CACNA1I: variants seen among roughly 807,000 people sequenced by gnomAD.
CACNA1I encodes the protein calcium voltage-gated channel subunit alpha1 I.
CACNA1I carries 74 observed loss-of-function variants against 201.6 expected under a neutral mutation model. The observed-to-expected ratio is 0.37, with a 90% confidence interval of 0.30 to 0.45. The LOEUF is 0.45. Among genes scored for constraint, CACNA1I ranks in the 20% least tolerant of loss-of-function variants. The pLI, the probability that CACNA1I is intolerant of heterozygous loss-of-function variation, is 1.00. For synonymous variants in CACNA1I, 1,431 were observed against 1,345.2 expected (o/e 1.06, Z -1.40); for missense variants, 2,346 against 3,138.1 (o/e 0.75, Z 6.03).
At position 39,665,018 on chromosome 22, in the gene CACNA1I, G is replaced by T; in HGVS notation, c.3851+95G>T. Reference sequence around the variant, plus strand: ...GGCCCTCACTCCGCCCTCCCCGCCCGCCCACTCGGTCCTCCAATAGTGAGT... The same window carrying T: ...GGCCCTCACTCCGCCCTCCCCGCCCTCCCACTCGGTCCTCCAATAGTGAGT... On this transcript the variant is annotated intron_variant, in intron 21 of 36. Coordinates refer to ENST00000402142, the MANE Select transcript of CACNA1I (RefSeq NM_021096.4). This position sits in a 1 kb window ranked among gnomAD's most constrained non-coding sequence, Gnocchi z 5.5. 1 of 1,123,060 alleles carries T rather than the reference G, an allele frequency of 8.9e-7. No individual in the cohort carries two copies. Among genetic ancestry groups the T allele is most frequent in the South Asian group, 1.5e-5 (1 of 68,844 alleles). The allele number at this position is 1,123,060 out of a possible 1,614,324, so 69.6% of individuals were successfully genotyped here.
chr22:39,609,120 G>A (rs1258597356), intron 3 of CACNA1I, among the ~76,000 whole-genome samples: 1 of 152,196 alleles, frequency 6.6e-6, no homozygotes, highest in Non-Finnish European at 1.5e-5. Flanking sequence ...GACGCTGACT[G>A]CTGAGTGCTC....
chr22:39,660,823 G>A (rs550618693), intron 15 of CACNA1I, among the ~76,000 whole-genome samples: 5 of 152,144 alleles, frequency 3.3e-5, no homozygotes, highest in Non-Finnish European at 7.4e-5. Flanking sequence ...GACAGTCCCT[G>A]CCTTGTTTCC....
At chr22:39,603,121 A>G (rs1933115573) in intron 3 of CACNA1I, among the ~76,000 whole-genome samples, 1 of 148,958 alleles carries the variant, frequency 6.7e-6, no homozygotes, top group Non-Finnish European at 1.5e-5. Flanking sequence ...GTGCCATTGC[A>G]CTCTAGTCTT....
chr22:39,684,817 G>C lies in CACNA1I; in HGVS notation c.6027+319G>C, dbSNP rs1935810210. 5.3e-6 allele frequency: 3 copies of C among 560,852 alleles called. No individual in the cohort carries two copies. The highest frequency in any genetic ancestry group is 9.5e-6 in the Non-Finnish European group (3 of 315,974). 34.7% of individuals were successfully genotyped at this position (560,852 alleles called of 1,614,324 possible). ...AGGAGGAGTACTGGAGGTTTTGCAGGGTGGCGGGGTGCTGGCAGTGGGGAG... is the reference window on the plus strand; with the variant it reads ...AGGAGGAGTACTGGAGGTTTTGCAGCGTGGCGGGGTGCTGGCAGTGGGGAG... On this transcript the variant is annotated intron_variant, in intron 36 of 36. Coordinates refer to ENST00000402142, the MANE Select transcript of CACNA1I (RefSeq NM_021096.4). This position sits in a 1 kb window ranked among gnomAD's most constrained non-coding sequence, Gnocchi z 4.6.
intron 10 of CACNA1I, 111 bp downstream of exon 10, chr22:39,650,036 C>G: frequency 6.8e-6 from 8 of 1,183,946 alleles, no homozygotes; most frequent in East Asian, 2.5e-5. Flanking sequence ...GTCTGTCCAC[C>G]TAGAAGTGCC....
intron 3 of CACNA1I, among the ~76,000 whole-genome samples, chr22:39,607,006 C>A (rs1569059366): frequency 6.6e-6 from 1 of 152,060 alleles, no homozygotes; most frequent in African/African-American, 2.4e-5. Context: ...AACAAAATGG[C>A]CATTGCCACC....
chr22:39,600,036 A>T (rs559493097), intron 2 of CACNA1I, among the ~76,000 whole-genome samples: 5 of 152,164 alleles, frequency 3.3e-5, no homozygotes, highest in Non-Finnish European at 7.4e-5. Context: ...CGGAGTTTCA[A>T]TCCTGGTTCT....
chr22:39,622,212 A>G (rs1411864446), intron 4 of CACNA1I, among the ~76,000 whole-genome samples: 1 of 152,138 alleles, frequency 6.6e-6, no homozygotes, highest in East Asian at 1.9e-4. Flanking sequence ...TGAAATGGAC[A>G]CAGCAGGTGT....
chr22:39,667,424 C>T (rs1935231965), intron 23 of CACNA1I, among the ~76,000 whole-genome samples: 1 of 152,166 alleles, frequency 6.6e-6, no homozygotes, highest in African/African-American at 2.4e-5. Context: ...GAGACCACCT[C>T]TGCCCTGGGG....
At chr22:39,578,485 G>C (rs368445261) in intron 1 of CACNA1I, among the ~76,000 whole-genome samples, 2 of 151,966 alleles carry the variant, frequency 1.3e-5, no homozygotes, top group African/African-American at 4.8e-5. Context: ...CCCACGTGAC[G>C]ACTGGTACCA....
rs749736744 is a variant in CACNA1I at position 39,649,577 on chromosome 22, C to T, written c.1644C>T (p.Ser548=). Residue 548 remains serine, a synonymous_variant, in exon 10 of 37, where the codon TCC becomes TCT. Transcript: ENST00000402142. The surrounding 1 kb of genome is among the most constrained non-coding windows in gnomAD (Gnocchi z 7.3). The part of the protein sequence containing the change: ...LVQPIPATLA[S]DPASCPCCQH... ...AGCCCATCCCCGCCACGCTGGCTTC[C>T]GATCCCGCCAGCTGCCCTTGCTGCC... 1.9e-5 allele frequency: 29 copies of T among 1,547,398 alleles called. No homozygotes were observed. Among genetic ancestry groups the T allele is most frequent in the Middle Eastern group, 1.8e-4 (1 of 5,578 alleles).
At chr22:39,615,254 C>G (rs1022138935) in intron 3 of CACNA1I, among the ~76,000 whole-genome samples, 3 of 152,242 alleles carry the variant, frequency 2.0e-5, no homozygotes, top group South Asian at 2.1e-4. Context: ...AGCAGACACT[C>G]GGGGGAGATG....
Position 39,685,724 on chromosome 22 carries a change from G to C in CACNA1I, c.6028-37G>C, listed in dbSNP as rs1465066029. On this transcript the variant is annotated intron_variant, in intron 36 of 36. Transcript: ENST00000402142. This position sits in a 1 kb window ranked among gnomAD's most constrained non-coding sequence, Gnocchi z 5.0. ...CGTCCAGGTTGCTGGGGTGGGGGCCGACACAGGCGGCCTCCACGGCTCCCA... is the reference window on the plus strand; with the variant it reads ...CGTCCAGGTTGCTGGGGTGGGGGCCCACACAGGCGGCCTCCACGGCTCCCA... The C allele has an allele frequency of 1.6e-5, 22 of 1,416,034 alleles. No individual in the cohort carries two copies. The highest frequency in any genetic ancestry group is 6.0e-5 in the Admixed American group (2 of 33,176). The allele number at this position is 1,416,034 out of a possible 1,614,324, so 87.7% of individuals were successfully genotyped here.
Position 39,646,635 on chromosome 22 carries a change from C to G in CACNA1I, c.1216C>G (p.Gln406Glu), listed in dbSNP as rs1934496480. 21 of 1,573,130 alleles carry G rather than the reference C, an allele frequency of 1.3e-5. No individual in the cohort carries two copies. Among genetic ancestry groups the G allele is most frequent in the Non-Finnish European group, 1.8e-5 (21 of 1,159,586 alleles). Residue 406 changes from glutamine (Q) to glutamate (E), a missense_variant, in exon 8 of 37, where the codon CAA becomes GAA. Physicochemically the swap from Gln to Glu is conservative, Grantham distance 29. Coordinates refer to ENST00000402142, the MANE Select transcript of CACNA1I (RefSeq NM_021096.4). ...AGCGACCCAGTTCTCGGAGACCAAG[C>G]AACGGGAGCACCGGCTGATGCTGGA... Reference protein sequence around the residue: ...VIATQFSETKQREHRLMLEQR... With the variant: ...VIATQFSETKEREHRLMLEQR...
chr22:39,664,831 C>T lies in CACNA1I; in HGVS notation c.3759C>T (p.Ile1253=), dbSNP rs771056880. 1.2e-6 allele frequency: 2 copies of T among 1,612,904 alleles called. No individual in the cohort carries two copies. Among genetic ancestry groups the T allele is most frequent in the African/African-American group, 2.7e-5 (2 of 75,000 alleles). Residue 1253 remains isoleucine, a synonymous_variant, in exon 21 of 37, where the codon ATC becomes ATT. Coordinates refer to ENST00000402142, the MANE Select transcript of CACNA1I (RefSeq NM_021096.4). ...GCTTTCTTGTCTTCGTGTCCATCAT[C>T]GACATCGTGGTGTCCCTGGCCTCAG... The part of the protein sequence containing the change: ...LDGFLVFVSI[I]DIVVSLASAG...
Position 39,671,970 on chromosome 22 carries a change from G to C in CACNA1I, c.4540-229G>C, listed in dbSNP as rs557320125. ...TTAATACCCTATATTGCCTCCAAAGGTACCAACTCGACCAGATACACATAA... is the reference window on the plus strand; with the variant it reads ...TTAATACCCTATATTGCCTCCAAAGCTACCAACTCGACCAGATACACATAA... On this transcript the variant is annotated intron_variant, in intron 26 of 36. Transcript: ENST00000402142. Among the ~76,000 whole-genome samples the C allele has an allele frequency of 3.1e-4, 47 of 152,112 alleles. No homozygotes were observed. The Middle Eastern group carries it at 0.01, about 33-fold the overall frequency.
At position 39,598,190 on chromosome 22, in the gene CACNA1I, C is replaced by T; in HGVS notation, c.276C>T (p.Asn92=). ...ECVSMLVILL[N]CVTLGMYQPC... is the part of the protein sequence containing the mutation. ...TCAGCATGCTGGTGATCCTGCTGAA[C>T]TGCGTGACACTTGGCATGTACCAGC... is the stretch of plus-strand genomic sequence containing the variant. The change falls in exon 2 of 37, where the codon AAC becomes AAT. Residue 92 remains asparagine, a synonymous_variant. Transcript: ENST00000402142. 5.0e-6 allele frequency: 8 copies of T among 1,608,346 alleles called. No homozygotes were observed. Among genetic ancestry groups the T allele is most frequent in the Non-Finnish European group, 6.8e-6 (8 of 1,177,582 alleles).
At position 39,596,330 on chromosome 22, in the gene CACNA1I, G is replaced by GA; in HGVS notation, c.237-1821_237-1820insA. Reference sequence around the variant, plus strand: ...GGAGGGAGATGGGGGGCAGGGCGGAGGGAGATGGGGGAGCAGGGCGGAGAG... The same window carrying GA: ...GGAGGGAGATGGGGGGCAGGGCGGAGAGGAGATGGGGGAGCAGGGCGGAGAG... On this transcript the variant is annotated intron_variant, in intron 1 of 36. Coordinates refer to ENST00000402142, the MANE Select transcript of CACNA1I (RefSeq NM_021096.4). Among the ~76,000 whole-genome samples, 5 of 3,340 alleles carry GA rather than the reference G, an allele frequency of 1.5e-3. 2 individuals carry two copies. The highest frequency in any genetic ancestry group is 7.1e-3 in the African/African-American group (5 of 706). The allele number at this position is 3,340 out of a possible 152,430, so 2.2% of individuals were successfully genotyped here.
intron 3 of CACNA1I, among the ~76,000 whole-genome samples, chr22:39,609,104 A>G (rs910132567): frequency 1.3e-5 from 2 of 152,208 alleles, no homozygotes; most frequent in Non-Finnish European, 2.9e-5. Context: ...GTGTGATAAG[A>G]ATAAGGACGC....
Sources: gnomAD v4.1 joint callset for allele counts (sites outside exome capture counted in the v4.1 genomes callset) on GRCh38, gnomAD v4.1.1 for gene constraint, Gnocchi (gnomAD v3.1) non-coding constraint, MANE v1.5 for transcripts, NCBI Gene and HGNC (gene_info 2026-07-23, HGNC 2026-07-21) for gene names.